Variants in NHSL1 observed in about 807,000 individuals in gnomAD.
The protein encoded by NHSL1 is NHS-like protein 1.
In NHSL1, 48 loss-of-function variants were observed where a neutral mutation model predicts 95.0. The observed-to-expected ratio is 0.51, with a 90% confidence interval of 0.40 to 0.64. The LOEUF is 0.64. Among genes scored for constraint, NHSL1 ranks in the 30% least tolerant of loss-of-function variants. The pLI, the probability that NHSL1 is intolerant of heterozygous loss-of-function variation, is 0.00. For missense variants in NHSL1, 1,971 were observed against 2,077.7 expected (o/e 0.95, Z 1.00); for synonymous variants, 783 against 833.9 (o/e 0.94, Z 1.05).
chr6:138,519,730 G>C (rs1219090815), intron 1 of NHSL1, among the ~76,000 whole-genome samples: 2 of 152,156 alleles, frequency 1.3e-5, no homozygotes, highest in Non-Finnish European at 2.9e-5. Context: ...GGCATCTCTA[G>C]CAAGGTAGCT....
intron 4 of NHSL1, among the ~76,000 whole-genome samples, chr6:138,445,010 C>A (rs563477703): frequency 2.0e-5 from 3 of 152,286 alleles, no homozygotes; most frequent in Admixed American, 2.0e-4. Context: ...TCCTGAGTAG[C>A]ATTTTAAAGG....
intron 1 of NHSL1, among the ~76,000 whole-genome samples, chr6:138,526,119 G>A (rs925661944): frequency 2.0e-5 from 3 of 150,318 alleles, no homozygotes; most frequent in African/African-American, 4.9e-5. Context: ...GAAAATATTT[G>A]GGCAAAAATA....
chr6:138,498,247 G>A (rs1468813274), intron 1 of NHSL1, among the ~76,000 whole-genome samples: 1 of 152,078 alleles, frequency 6.6e-6, no homozygotes, highest in Non-Finnish European at 1.5e-5. Flanking sequence ...TTTCCTATTC[G>A]ACAATTTCAA....
At chr6:138,529,749 G>A (rs573860294) in intron 1 of NHSL1, among the ~76,000 whole-genome samples, 4 of 152,150 alleles carry the variant, frequency 2.6e-5, no homozygotes, top group Admixed American at 6.5e-5. Context: ...CTCAACTTCC[G>A]CTCTGCCATC....
chr6:138,518,682 A>T (rs1227639844), intron 1 of NHSL1, among the ~76,000 whole-genome samples: 1 of 152,202 alleles, frequency 6.6e-6, no homozygotes, highest in Admixed American at 6.5e-5. Context: ...AGACAGTAAG[A>T]AATCCAAGCA....
At chr6:138,552,747 G>A (rs2128334480) in intron 1 of NHSL1, among the ~76,000 whole-genome samples, 1 of 152,240 alleles carries the variant, frequency 6.6e-6, no homozygotes, top group East Asian at 1.9e-4. Context: ...GTTGCCCTTA[G>A]CTGTGGCAAG....
intron 1 of NHSL1, among the ~76,000 whole-genome samples, chr6:138,601,798 G>A (rs1402372475): frequency 6.6e-6 from 1 of 151,768 alleles, no homozygotes; most frequent in South Asian, 2.1e-4. Context: ...GCGACAGAGC[G>A]AGACTCCATC....
chr6:138,562,508 A>G (rs1247855309), intron 1 of NHSL1, among the ~76,000 whole-genome samples: 7 of 152,014 alleles, frequency 4.6e-5, no homozygotes, highest in Non-Finnish European at 1.0e-4. Context: ...CCACCACAAC[A>G]AAAACTAGCC....
chr6:138,458,007 GAAA>G (rs554103437), intron 3 of NHSL1, among the ~76,000 whole-genome samples: 38 of 96,786 alleles, frequency 3.9e-4, no homozygotes, highest in African/African-American at 6.2e-4. Flanking sequence ...AACTCCAACT[GAAA>G]AAAAAAAAAA....
rs180837165 is a variant in NHSL1, at chr6:138,580,596, T to C, written c.97-84225A>G. 2.2e-4 allele frequency among the ~76,000 whole-genome samples: 34 copies of C among 152,288 alleles called. No homozygotes were observed. In the South Asian group the frequency reaches 5.6e-3, roughly 25 times the overall value. ...ATGGCCACTTTCAAGCTACCAACAA[T>C]TTAACAACCAGCCTGCTAAAATCTT... is the stretch of plus-strand genomic sequence containing the variant. On this transcript the variant is annotated intron_variant, in intron 1 of 3. Coordinates refer to the NHSL1 transcript ENST00000491526.
chr6:138,463,808 T>C lies in NHSL1; in HGVS notation c.339+9498A>G, dbSNP rs193150628. On this transcript the variant is annotated intron_variant, in intron 3 of 7. Transcript: ENST00000343505. The stretch of plus-strand genomic sequence containing the variant: ...TCTTATATGTCACTCGGTAGTCTGC[T>C]CTAATGATGACTCTCAGAGTCCTTC... 2.6e-3 allele frequency among the ~76,000 whole-genome samples: 389 copies of C among 152,274 alleles called. 1 individual carries two copies. In the Middle Eastern group the frequency reaches 0.031, roughly 12 times the overall value.
chr6:138,685,208 G>A (rs1341903601), intron 1 of NHSL1, among the ~76,000 whole-genome samples: 1 of 151,960 alleles, frequency 6.6e-6, no homozygotes, highest in African/African-American at 2.4e-5. Flanking sequence ...ACTAGATTAC[G>A]GCTAGATAAA....
At chr6:138,635,259 T>C (rs899377305) in intron 1 of NHSL1, among the ~76,000 whole-genome samples, 2 of 152,096 alleles carry the variant, frequency 1.3e-5, no homozygotes, top group African/African-American at 2.4e-5. Flanking sequence ...AAACAAAACG[T>C]TGGTTTTTTG....
intron 1 of NHSL1, among the ~76,000 whole-genome samples, chr6:138,594,095 G>C (rs1784269115): frequency 6.6e-6 from 1 of 152,158 alleles, no homozygotes; most frequent in Non-Finnish European, 1.5e-5. Context: ...AAATTTCCAG[G>C]GATGTGGTGG....
chr6:138,535,486 C>T (rs980463300), intron 1 of NHSL1, among the ~76,000 whole-genome samples: 4 of 152,048 alleles, frequency 2.6e-5, no homozygotes, highest in African/African-American at 9.7e-5. Context: ...ATTACTTGAG[C>T]CTAAGAGGTC....
intron 1 of NHSL1, among the ~76,000 whole-genome samples, chr6:138,672,307 A>ATTTTTTTTTTTTTTTTTTTTTTTTTTTTT (rs1562408907): frequency 6.6e-6 from 1 of 152,222 alleles, no homozygotes; most frequent in African/African-American, 2.4e-5. Context: ...AGGAGAATAC[A>ATTTTTTTTTTTTTTTTTTTTTTTTTTTTT]TTATTTTTTA....
chr6:138,517,738 G>A (rs1401151553), intron 1 of NHSL1, among the ~76,000 whole-genome samples: 1 of 152,196 alleles, frequency 6.6e-6, no homozygotes, highest in East Asian at 1.9e-4. Flanking sequence ...GTGAAACACT[G>A]CTGCTGTTGC....
chr6:138,615,337 T>G (rs1784564780), intron 1 of NHSL1, among the ~76,000 whole-genome samples: 1 of 152,246 alleles, frequency 6.6e-6, no homozygotes, highest in African/African-American at 2.4e-5. Flanking sequence ...CTGGTGGAAA[T>G]TATGATTCTA....
At chr6:138,568,180 G>A (rs1021994398) in intron 1 of NHSL1, among the ~76,000 whole-genome samples, 2 of 152,176 alleles carry the variant, frequency 1.3e-5, no homozygotes, top group African/African-American at 2.4e-5. Flanking sequence ...AAATGTTCCA[G>A]ATAAAGTTCC....
Sources: allele counts gnomAD v4.1 joint callset (sites outside exome capture counted in the v4.1 genomes callset), GRCh38; gene constraint gnomAD v4.1.1; transcripts MANE v1.5; gene names NCBI Gene and HGNC (gene_info 2026-07-23, HGNC 2026-07-21).